Variants in PMS1 observed in about 807,000 individuals in gnomAD.
PMS1 encodes the protein PMS1 homolog 1, mismatch repair system component, also known as PMS1 protein homolog 1.
A neutral mutation model predicts 93.1 loss-of-function variants in PMS1; 79 were observed. The ratio of observed to expected loss-of-function variants is 0.85; its 90% CI spans 0.71 to 1.02. PMS1 has a LOEUF of 1.02. Ranked by LOEUF, PMS1 falls within the 50% of genes least tolerant of loss-of-function variation. The probability of loss-of-function intolerance (pLI) is 0.00; values close to 1 mark genes in which losing one functional copy is unlikely to be tolerated. For synonymous variants in PMS1, 335 were observed against 363.4 expected, an observed-to-expected ratio of 0.92 and a Z score of 0.89; for missense variants, 1,064 against 1,085.3, an observed-to-expected ratio of 0.98 and a Z score of 0.28.
intron 6 of PMS1, among the ~76,000 whole-genome samples, chr2:189,851,808 T>A (rs1442275432): frequency 6.6e-6 from 1 of 151,978 alleles, no homozygotes; most frequent in Non-Finnish European, 1.5e-5. Context: ...TTAAATAACT[T>A]AACAAAAATC....
chr2:189,850,827 G>A (rs983338119), intron 6 of PMS1, among the ~76,000 whole-genome samples: 36 of 152,258 alleles, frequency 2.4e-4, no homozygotes, highest in African/African-American at 7.7e-4. Context: ...GAAGGGCTGC[G>A]TAGTGTCCCT....
intron 5 of PMS1, among the ~76,000 whole-genome samples, chr2:189,831,168 GA>G (rs1559270980): frequency 6.6e-6 from 1 of 152,242 alleles, no homozygotes; most frequent in Non-Finnish European, 1.5e-5. Flanking sequence ...AGGCAGTGAA[GA>G]AGTTTCTTTA....
At chr2:189,825,918 ATC>A (rs1410329427) in intron 5 of PMS1, among the ~76,000 whole-genome samples, 1 of 152,202 alleles carries the variant, frequency 6.6e-6, no homozygotes, top group Non-Finnish European at 1.5e-5. Context: ...AGTGTTGAAT[ATC>A]TCTGAATTCA....
Position 189,877,565 on chromosome 2 carries a change from G to C in PMS1, c.*129G>C. ...TTTTTAAATGAGGATTCACTGACTT[G>C]TTTTTATATTGAAAAAAGTTCCACG... On this transcript the variant is annotated 3_prime_UTR_variant, in exon 13 of 13. Coordinates refer to ENST00000441310, the MANE Select transcript of PMS1 (RefSeq NM_000534.5). 1 of 653,878 alleles carries C rather than the reference G, an allele frequency of 1.5e-6. No homozygotes were observed. Among genetic ancestry groups the C allele is most frequent in the Non-Finnish European group, 2.6e-6 (1 of 380,604 alleles). The allele number at this position is 653,878 out of a possible 1,614,324, so 40.5% of individuals were successfully genotyped here. A position where few individuals can be genotyped will look rare whatever the true frequency, so the allele number is the denominator to read the frequency against.
chr2:189,876,360 T>A (rs1158969002), intron 12 of PMS1, among the ~76,000 whole-genome samples: 1 of 152,138 alleles, frequency 6.6e-6, no homozygotes, highest in East Asian at 1.9e-4. Context: ...AGAGTTAACA[T>A]TTGTATTGGA....
At chr2:189,785,240 T>A (rs2048184999) in intron 1 of PMS1, 1 of 152,256 alleles carries the variant, frequency 6.6e-6, no homozygotes, top group Non-Finnish European at 1.5e-5. Context: ...CTGTTGGCTT[T>A]GTGAACCTAA....
At chr2:189,863,693 A>G (rs1429383611) in intron 9 of PMS1, 50 bp from the exon 10 acceptor site, 1 of 1,373,632 alleles carries the variant, frequency 7.3e-7, no homozygotes, top group Non-Finnish European at 1.0e-6. Context: ...CAGATGGTTA[A>G]TATATTTCTG....
At chr2:189,867,106 A>G (rs256563) in intron 10 of PMS1, among the ~76,000 whole-genome samples, 43,972 of 152,096 alleles carry the variant, frequency 0.29, 10,814 homozygotes, top group African/African-American at 0.67. Flanking sequence ...ATCTGCCACA[A>G]GGTAGGCACT....
chr2:189,869,733 C>G (rs1468064586), intron 11 of PMS1, among the ~76,000 whole-genome samples: 2 of 151,442 alleles, frequency 1.3e-5, no homozygotes, highest in East Asian at 3.9e-4. Flanking sequence ...AGGAGAATCG[C>G]TTGAACCCAG....
At chr2:189,810,917 G>A (rs181976353) in intron 4 of PMS1, among the ~76,000 whole-genome samples, 97 of 150,436 alleles carry the variant, frequency 6.4e-4, no homozygotes, top group African/African-American at 1.6e-3. Flanking sequence ...AATGGGATCC[G>A]TAATCAAGAG....
intron 10 of PMS1, 128 bp from the exon 11 acceptor site, chr2:189,867,671 C>A: frequency 1.5e-6 from 1 of 662,450 alleles, no homozygotes; most frequent in Non-Finnish European, 2.7e-6. Context: ...TCTCATAGGG[C>A]TACTTATACC....
intron 9 of PMS1, among the ~76,000 whole-genome samples, chr2:189,858,094 T>C (rs952137501): frequency 6.6e-6 from 1 of 152,170 alleles, no homozygotes; most frequent in Non-Finnish European, 1.5e-5. Context: ...GGATCAGGAT[T>C]GTTCAGTTTT....
At chr2:189,860,718 T>C (rs1480139891) in intron 9 of PMS1, among the ~76,000 whole-genome samples, 1 of 151,546 alleles carries the variant, frequency 6.6e-6, no homozygotes, top group Non-Finnish European at 1.5e-5. Context: ...GATTCTGCAG[T>C]TGCTAGATGG....
At chr2:189,802,638 A>T (rs1297410694) in intron 3 of PMS1, among the ~76,000 whole-genome samples, 1 of 152,200 alleles carries the variant, frequency 6.6e-6, no homozygotes, top group African/African-American at 2.4e-5. Flanking sequence ...GGCTTAGAGG[A>T]GCAGAATGAG....
intron 5 of PMS1, among the ~76,000 whole-genome samples, chr2:189,824,554 T>A (rs2052257047): frequency 1.3e-5 from 2 of 152,074 alleles, no homozygotes; most frequent in Admixed American, 6.5e-5. Context: ...ATTTTATTAT[T>A]TTCGGAGGAC....
intron 5 of PMS1, among the ~76,000 whole-genome samples, chr2:189,839,072 A>G (rs952667801): frequency 3.3e-5 from 5 of 151,954 alleles, no homozygotes; most frequent in African/African-American, 1.2e-4. Flanking sequence ...GCTCACTGCA[A>G]CCTCCATCTC....
rs534901661 is a variant in PMS1, at chr2:189,798,867, G to T, written c.315+2916G>T. On this transcript the variant is annotated intron_variant, in intron 3 of 12. Coordinates refer to ENST00000441310, the MANE Select transcript of PMS1 (RefSeq NM_000534.5). ...TTTGGCATTTCTGTATTTTCTGCAA[G>T]ATATATATGTAACCCTTCAGAGCTG... Among the ~76,000 whole-genome samples, 4 of 150,766 alleles carry T rather than the reference G, an allele frequency of 2.7e-5. No homozygotes were observed. In the East Asian group the frequency reaches 5.9e-4, roughly 22 times the overall value.
At chr2:189,874,643 T>G (rs1442812815) in intron 12 of PMS1, among the ~76,000 whole-genome samples, 1 of 152,220 alleles carries the variant, frequency 6.6e-6, no homozygotes, top group African/African-American at 2.4e-5. Context: ...CATTTTTGTT[T>G]ACAGTTGGTA....
chr2:189,872,013 C>T (rs927786004), intron 11 of PMS1, among the ~76,000 whole-genome samples: 2 of 152,146 alleles, frequency 1.3e-5, no homozygotes, highest in Non-Finnish European at 2.9e-5. Context: ...AGACCTCACT[C>T]ATTACCATGG....
Sources: allele counts gnomAD v4.1 joint callset (sites outside exome capture counted in the v4.1 genomes callset), GRCh38; gene constraint gnomAD v4.1.1; transcripts MANE v1.5; gene names NCBI Gene and HGNC (gene_info 2026-07-23, HGNC 2026-07-21).